Variants in GCN1 observed in about 807,000 individuals in gnomAD.
The protein encoded by GCN1 is GCN1 activator of EIF2AK4.
A neutral mutation model predicts 288.4 loss-of-function variants in GCN1; 90 were observed. The observed-to-expected ratio is 0.31, with a 90% confidence interval of 0.26 to 0.37. The LOEUF (loss-of-function observed/expected upper bound fraction) is 0.37, where lower values mean the gene tolerates loss of function less well. Among genes scored for constraint, GCN1 ranks in the 10% least tolerant of loss-of-function variants. The probability of loss-of-function intolerance (pLI) is 1.00; values close to 1 mark genes in which losing one functional copy is unlikely to be tolerated. For synonymous variants in GCN1, 1,386 were observed against 1,420.2 expected (o/e 0.98, Z 0.54); for missense variants, 2,586 against 3,419.9 (o/e 0.76, Z 6.08).
chr12:120,140,349 C>T (rs1303183719), intron 45 of GCN1, among the ~76,000 whole-genome samples: 2 of 152,186 alleles, frequency 1.3e-5, no homozygotes, highest in East Asian at 3.9e-4. Context: ...CTTCACACCC[C>T]TTGAACGTTG....
chr12:120,180,764 G>A (rs866982028), intron 5 of GCN1, among the ~76,000 whole-genome samples: 9 of 151,802 alleles, frequency 5.9e-5, no homozygotes, highest in Middle Eastern at 6.8e-3. Flanking sequence ...TGAGGCGGGC[G>A]GATCACGAGG....
At chr12:120,152,410 C>CAA (rs1203927691) in intron 33 of GCN1, among the ~76,000 whole-genome samples, 3 of 128,950 alleles carry the variant, frequency 2.3e-5, no homozygotes, top group African/African-American at 9.2e-5. Context: ...CACACACACA[C>CAA]AAAATATATA....
chr12:120,132,502 G>T (rs1169990089), intron 53 of GCN1, among the ~76,000 whole-genome samples: 1 of 152,060 alleles, frequency 6.6e-6, no homozygotes, highest in East Asian at 1.9e-4. Flanking sequence ...GTCATCTTGT[G>T]GCCAGAATGA....
At chr12:120,132,533 C>T (rs757935006) in intron 53 of GCN1, among the ~76,000 whole-genome samples, 1 of 152,086 alleles carries the variant, frequency 6.6e-6, no homozygotes, top group Admixed American at 6.6e-5. Flanking sequence ...CTCCCTACTG[C>T]ATGAGTGCCC....
chr12:120,127,836 T>A lies in GCN1; in HGVS notation c.*13A>T. 4 of 1,609,702 alleles carry A rather than the reference T, an allele frequency of 2.5e-6. No homozygotes were observed. The highest frequency in any genetic ancestry group is 3.4e-6 in the Non-Finnish European group (4 of 1,176,586). On this transcript the variant is annotated 3_prime_UTR_variant, in exon 58 of 58. Coordinates refer to ENST00000300648, the MANE Select transcript of GCN1 (RefSeq NM_006836.2). ...AGATGTGGAGCGGCAATGCTGCTGC[T>A]GGCCCAGGCCTCTCATGTCAGGATG... is the stretch of plus-strand genomic sequence containing the variant.
At position 120,157,005 on chromosome 12, in the gene GCN1, G is replaced by C. The variant is rs112562164; in HGVS notation, c.3088-13C>G. 1 of 1,599,942 alleles carries C rather than the reference G, an allele frequency of 6.3e-7. No homozygotes were observed. The highest frequency in any genetic ancestry group is 1.7e-5 in the Admixed American group (1 of 59,972). ...ACTCCGGGCCATTCTAGGAGAGAAC[G>C]GCAGGTAAGTCGAGATGAGGCTGTG... On this transcript the variant is annotated splice_polypyrimidine_tract_variant and intron_variant, in intron 26 of 57. Transcript: ENST00000300648.
intron 20 of GCN1, 112 bp from the exon 21 acceptor site, chr12:120,162,170 G>T (rs1009926907): frequency 5.9e-6 from 5 of 853,416 alleles, no homozygotes; most frequent in African/African-American, 1.7e-5. Context: ...CCACTGCCTT[G>T]TTACTCCTGG....
chr12:120,191,306 A>C (rs1481634642), intron 1 of GCN1, among the ~76,000 whole-genome samples: 2 of 152,270 alleles, frequency 1.3e-5, no homozygotes, highest in Non-Finnish European at 2.9e-5. Flanking sequence ...TTTAGCTTTC[A>C]ACAGCCATCG....
Position 120,160,449 on chromosome 12 carries a change from C to G in GCN1, c.2437-194G>C, listed in dbSNP as rs78908839. On this transcript the variant is annotated intron_variant, in intron 22 of 57. Coordinates refer to ENST00000300648, the MANE Select transcript of GCN1 (RefSeq NM_006836.2). ...CCACCTGGTTTCTATAGAATGGAGA[C>G]AGCAATAGAGAAGTAGTTGTTTTAC... is the stretch of plus-strand genomic sequence containing the variant. 1.2e-3 allele frequency: 694 copies of G among 586,910 alleles called. 1 individual carries two copies. The highest frequency in any genetic ancestry group is 1.9e-3 in the Non-Finnish European group (612 of 329,196). The allele number at this position is 586,910 out of a possible 1,614,324, so 36.4% of individuals were successfully genotyped here.
intron 2 of GCN1, 65 bp downstream of exon 2, chr12:120,190,224 CAAAAAAAAA>C (rs34357352): frequency 1.0e-5 from 6 of 574,484 alleles, no homozygotes; most frequent in Admixed American, 6.7e-5. Context: ...GACTCTGTCT[CAAAAAAAAA>C]AAAAAAAAAG....
intron 2 of GCN1, among the ~76,000 whole-genome samples, chr12:120,185,437 T>G (rs1314518233): frequency 6.6e-6 from 1 of 152,052 alleles, no homozygotes; most frequent in African/African-American, 2.4e-5. Context: ...ACATGTAGAG[T>G]GCAGGGTTAA....
At chr12:120,138,671 T>G (rs773667246) in intron 46 of GCN1, 24 bp downstream of exon 46, 16 of 1,601,016 alleles carry the variant, frequency 1.0e-5, no homozygotes, top group Non-Finnish European at 1.4e-5. Context: ...AACTGGTAGG[T>G]AGGTGTGTGG....
At chr12:120,169,292 A>G (rs1476170893) in intron 15 of GCN1, among the ~76,000 whole-genome samples, 4 of 84,574 alleles carry the variant, frequency 4.7e-5, no homozygotes, top group African/African-American at 2.5e-4. Flanking sequence ...AAAAAAAAAA[A>G]AAAGAAAAAA....
At chr12:120,173,295 G>A (rs1056310491) in intron 14 of GCN1, among the ~76,000 whole-genome samples, 20 of 152,166 alleles carry the variant, frequency 1.3e-4, no homozygotes, top group African/African-American at 3.6e-4. Flanking sequence ...TGATCTGCCC[G>A]CCTCGGCCTT....
chr12:120,135,219 A>C (rs1343635893), intron 51 of GCN1, among the ~76,000 whole-genome samples: 2 of 152,214 alleles, frequency 1.3e-5, no homozygotes, highest in African/African-American at 4.8e-5. Context: ...AAGCCTGTGA[A>C]ACAAATGACC....
rs764863764 is a variant in GCN1 at position 120,127,819 on chromosome 12, A to G, written c.*30T>C. On this transcript the variant is annotated 3_prime_UTR_variant, in exon 58 of 58. Transcript: ENST00000300648. ...ATGAAAACATTGAGCAAAGATGTGG[A>G]GCGGCAATGCTGCTGCTGGCCCAGG... 6.2e-6 allele frequency: 10 copies of G among 1,605,928 alleles called. No individual in the cohort carries two copies. The highest frequency in any genetic ancestry group is 7.7e-6 in the Non-Finnish European group (9 of 1,173,890).
Position 120,159,062 on chromosome 12 carries a change from T to C in GCN1, c.2750-447A>G, listed in dbSNP as rs1046290775. On this transcript the variant is annotated intron_variant, in intron 24 of 57. Coordinates refer to ENST00000300648, the MANE Select transcript of GCN1 (RefSeq NM_006836.2). ...CTTCGCCAAAATGTCCCCAGCCTAA[T>C]TTCTCACTTGATCTTTGTGACAGCC... is the stretch of plus-strand genomic sequence containing the variant. Among the ~76,000 whole-genome samples the C allele has an allele frequency of 4.6e-5, 7 of 152,010 alleles. 1 individual carries two copies. Among genetic ancestry groups the C allele is most frequent in the African/African-American group, 1.2e-4 (5 of 41,456 alleles).
chr12:120,162,783 T>C, intron 20 of GCN1, 64 bp downstream of exon 20: 1 of 1,558,226 alleles, frequency 6.4e-7, no homozygotes, highest in Admixed American at 1.7e-5. Context: ...CCTCTCTTCC[T>C]GTACACTGTG....
At chr12:120,139,077 A>C (rs1877106568) in intron 45 of GCN1, 6 of 361,910 alleles carry the variant, frequency 1.7e-5, no homozygotes, top group Non-Finnish European at 3.0e-5. Context: ...TGGGAGGCCA[A>C]GGTGGGCGGA....
Sources: allele counts gnomAD v4.1 joint callset (sites outside exome capture counted in the v4.1 genomes callset), GRCh38; gene constraint gnomAD v4.1.1; transcripts MANE v1.5; gene names NCBI Gene and HGNC (gene_info 2026-07-23, HGNC 2026-07-21).